The following ARHGEF38 variants were observed in gnomAD, a reference collection of about 807,000 sequenced individuals.
ARHGEF38 encodes Rho guanine nucleotide exchange factor (GEF) 38.
In ARHGEF38, 79 loss-of-function variants were observed where a neutral mutation model predicts 79.9. That is an observed-to-expected ratio of 0.99 (90% CI 0.82 to 1.19). The LOEUF is 1.19. Ranked by LOEUF, ARHGEF38 falls within the 50% of genes most tolerant of loss-of-function variation. ARHGEF38 has a pLI of 0.00. For synonymous variants in ARHGEF38, 366 were observed against 328.3 expected (o/e 1.11, Z -1.24); for missense variants, 962 against 907.2 (o/e 1.06, Z -0.78).
intron 1 of ARHGEF38, among the ~76,000 whole-genome samples, chr4:105,574,426 C>A (rs965251209): frequency 6.6e-6 from 1 of 151,934 alleles, no homozygotes; most frequent in African/African-American, 2.4e-5. Flanking sequence ...TTGTAGGCAC[C>A]TGTAATCCCA....
At chr4:105,638,244 T>C (rs1729480185) in intron 5 of ARHGEF38, among the ~76,000 whole-genome samples, 1 of 152,128 alleles carries the variant, frequency 6.6e-6, no homozygotes, top group Non-Finnish European at 1.5e-5. Flanking sequence ...CCTACCTTCT[T>C]AAAAATACAA....
intron 2 of ARHGEF38, among the ~76,000 whole-genome samples, chr4:105,598,417 C>T (rs976114569): frequency 8.5e-5 from 13 of 152,104 alleles, no homozygotes; most frequent in African/African-American, 3.1e-4. Flanking sequence ...TCTGAGAAAA[C>T]CAGAGCAATT....
chr4:105,667,663 A>G lies in ARHGEF38; in HGVS notation c.2108A>G (p.Asn703Ser), dbSNP rs1730802884. The change falls in exon 13 of 14, where the codon AAT (asparagine) becomes AGT (serine). Residue 703 changes from asparagine to serine, a missense_variant. Asn to Ser is a conservative substitution (Grantham distance 46, BLOSUM62 1). Transcript: ENST00000420470. Reference protein sequence around the residue: ...LSGTCGKFETNGTDVDSFQEV... With the variant: ...LSGTCGKFETSGTDVDSFQEV... ...GGCACATGTGGAAAGTTTGAAACAA[A>G]TGGTACTGATGTTGACAGTTTTCAA... The G allele has an allele frequency of 3.9e-6, 6 of 1,536,354 alleles. No individual in the cohort carries two copies. Among genetic ancestry groups the G allele is most frequent in the Non-Finnish European group, 5.2e-6 (6 of 1,146,954 alleles).
Position 105,659,357 on chromosome 4 carries a change from C to A in ARHGEF38, c.1537C>A (p.Leu513Ile). ...CGTGGCACAGCAGGCTTACTCCACACTTGTGCCGGTAAGCACAGCACCAAC... is the reference window on the plus strand; with the variant it reads ...CGTGGCACAGCAGGCTTACTCCACAATTGTGCCGGTAAGCACAGCACCAAC... ...MLVAQQAYST[L>I]VPMPLLVSSI... Residue 513 changes from leucine (L) to isoleucine (I), a missense_variant, in exon 10 of 14, where the codon CTT becomes ATT. Physicochemically the swap from Leu to Ile is conservative, Grantham distance 5. Coordinates refer to ENST00000420470, the MANE Select transcript of ARHGEF38 (RefSeq NM_001242729.2). 1 of 1,534,072 alleles carries A rather than the reference C, an allele frequency of 6.5e-7. No individual in the cohort carries two copies. The highest frequency in any genetic ancestry group is 8.7e-7 in the Non-Finnish European group (1 of 1,146,288).
chr4:105,676,138 G>A (rs17036097), intron 13 of ARHGEF38, among the ~76,000 whole-genome samples: 21 of 152,044 alleles, frequency 1.4e-4, no homozygotes, highest in East Asian at 7.7e-4. Flanking sequence ...TCCACACTAC[G>A]CATTCTCTTT....
At chr4:105,659,849 T>TTGTGTGTGTGTGTGTG (rs59465723) in intron 10 of ARHGEF38, among the ~76,000 whole-genome samples, 74 of 133,234 alleles carry the variant, frequency 5.6e-4, no homozygotes, top group African/African-American at 2.1e-3. Context: ...AAGCCTGGTT[T>TTGTGTGTGTGTGTGTG]TGTGTGTGTG....
chr4:105,575,010 A>G (rs1726424380), intron 1 of ARHGEF38, among the ~76,000 whole-genome samples: 1 of 70,132 alleles, frequency 1.4e-5, no homozygotes, highest in South Asian at 1.0e-3. Context: ...ACACACACAT[A>G]TATACACACA....
At chr4:105,652,475 G>A (rs536180554) in intron 7 of ARHGEF38, among the ~76,000 whole-genome samples, 50 of 152,214 alleles carry the variant, frequency 3.3e-4, no homozygotes, top group Non-Finnish European at 5.7e-4. Flanking sequence ...AGAAAAGGGA[G>A]GATTTATAGA....
intron 2 of ARHGEF38, among the ~76,000 whole-genome samples, chr4:105,590,277 G>A (rs374005343): frequency 4.6e-5 from 7 of 152,094 alleles, no homozygotes; most frequent in Non-Finnish European, 7.4e-5. Context: ...GAATGGTCCA[G>A]GCAAAGTGGA....
At chr4:105,568,687 T>A (rs1008016640) in intron 1 of ARHGEF38, among the ~76,000 whole-genome samples, 22 of 152,224 alleles carry the variant, frequency 1.4e-4, no homozygotes, top group African/African-American at 4.6e-4. Flanking sequence ...TGTATTATCT[T>A]TGTGTTCTCC....
At chr4:105,613,331 A>C (rs1420288434) in intron 2 of ARHGEF38, 53 bp from the exon 3 acceptor site, 1 of 1,574,566 alleles carries the variant, frequency 6.4e-7, no homozygotes, top group Admixed American at 1.7e-5. Context: ...AGGAGGAGAA[A>C]ACATCCTAAA....
chr4:105,586,268 C>T (rs1727044127), intron 1 of ARHGEF38, among the ~76,000 whole-genome samples: 2 of 151,424 alleles, frequency 1.3e-5, no homozygotes, highest in Admixed American at 1.3e-4. Flanking sequence ...AGAAACCTGA[C>T]CATAAAATGA....
intron 1 of ARHGEF38, among the ~76,000 whole-genome samples, chr4:105,564,425 T>C (rs965926585): frequency 5.9e-5 from 9 of 152,174 alleles, no homozygotes; most frequent in Non-Finnish European, 1.2e-4. Flanking sequence ...TATATGATTC[T>C]ACTTATATGA....
intron 9 of ARHGEF38, 70 bp from the exon 10 acceptor site, chr4:105,658,984 T>C: frequency 3.0e-6 from 4 of 1,330,430 alleles, no homozygotes; most frequent in Non-Finnish European, 4.0e-6. Flanking sequence ...GGTAAACCTA[T>C]GGATAGCAGA....
At chr4:105,583,643 C>T (rs1439326924) in intron 1 of ARHGEF38, among the ~76,000 whole-genome samples, 1 of 152,138 alleles carries the variant, frequency 6.6e-6, no homozygotes, top group Non-Finnish European at 1.5e-5. Context: ...TTTTAGTATA[C>T]TAAATAACTT....
intron 3 of ARHGEF38, among the ~76,000 whole-genome samples, chr4:105,626,889 A>T (rs1022204559): frequency 6.6e-6 from 1 of 151,216 alleles, no homozygotes; most frequent in Non-Finnish European, 1.5e-5. Flanking sequence ...ATCCAGCCAC[A>T]CTAGATCATT....
rs548035285 is a variant in ARHGEF38 at position 105,636,762 on chromosome 4, C to G, written c.674+342C>G. On this transcript the variant is annotated intron_variant, in intron 5 of 13. Coordinates refer to ENST00000420470, the MANE Select transcript of ARHGEF38 (RefSeq NM_001242729.2). ...TGAAACATATTAGTCTTTAAAAAATCTCAGATTAATATCATAATGCATTTG... is the reference window on the plus strand; with the variant it reads ...TGAAACATATTAGTCTTTAAAAAATGTCAGATTAATATCATAATGCATTTG... Among the ~76,000 whole-genome samples the G allele has an allele frequency of 2.9e-3, 445 of 152,036 alleles. 4 individuals carry two copies. The highest frequency in any genetic ancestry group is 0.01 in the African/African-American group (426 of 41,482).
chr4:105,617,855 A>G (rs954573436), intron 3 of ARHGEF38, among the ~76,000 whole-genome samples: 1 of 152,206 alleles, frequency 6.6e-6, no homozygotes, highest in Non-Finnish European at 1.5e-5. Context: ...GTCCATAATC[A>G]TGCTTTGGAA....
intron 3 of ARHGEF38, among the ~76,000 whole-genome samples, chr4:105,614,994 G>C (rs2110494522): frequency 6.6e-6 from 1 of 152,292 alleles, no homozygotes; most frequent in East Asian, 1.9e-4. Context: ...AAGGATTCTT[G>C]AAGATGTTAT....
Sources: allele counts gnomAD v4.1 joint callset (sites outside exome capture counted in the v4.1 genomes callset), GRCh38; gene constraint gnomAD v4.1.1; transcripts MANE v1.5; gene names NCBI Gene and HGNC (gene_info 2026-07-23, HGNC 2026-07-21).